The following DENND1A variants were observed in gnomAD, a reference collection of about 807,000 sequenced individuals.
DENND1A encodes DENN domain-containing protein 1A.
Under a neutral mutation model 113.7 loss-of-function variants are expected in DENND1A, and 51 were observed. The ratio of observed to expected loss-of-function variants is 0.45; its 90% CI spans 0.36 to 0.57. The LOEUF is 0.57. Ranked by LOEUF, DENND1A falls within the 20% of genes least tolerant of loss-of-function variation. The pLI, the probability that DENND1A is intolerant of heterozygous loss-of-function variation, is 0.00. For synonymous variants in DENND1A, 565 were observed against 570.8 expected, an observed-to-expected ratio of 0.99 and a Z score of 0.14; for missense variants, 1,258 against 1,395.9, an observed-to-expected ratio of 0.90 and a Z score of 1.57.
chr9:123,895,317 T>C (rs1182799568), intron 1 of DENND1A, among the ~76,000 whole-genome samples: 2 of 151,978 alleles, frequency 1.3e-5, no homozygotes, highest in Non-Finnish European at 2.9e-5. Context: ...TTGATGAGCT[T>C]GCAAGAAAAT....
At chr9:123,746,042 T>C (rs2069474242) in intron 5 of DENND1A, among the ~76,000 whole-genome samples, 2 of 152,202 alleles carry the variant, frequency 1.3e-5, no homozygotes, top group African/African-American at 4.8e-5. Flanking sequence ...AAAATTAATA[T>C]CAGGGTGCTA....
chr9:123,437,587 G>A (rs1047814489), intron 19 of DENND1A: 5 of 152,260 alleles, frequency 3.3e-5, no homozygotes, highest in African/African-American at 1.2e-4. Context: ...GGCTGGTTAA[G>A]ATGATTTTGC....
At chr9:123,711,525 A>ATT (rs1564998547) in intron 5 of DENND1A, among the ~76,000 whole-genome samples, 1 of 144,110 alleles carries the variant, frequency 6.9e-6, no homozygotes, top group Non-Finnish European at 1.5e-5. Context: ...ATATATATAT[A>ATT]TATATATATA....
intron 16 of DENND1A, 72 bp downstream of exon 16, chr9:123,454,667 C>T: frequency 1.4e-6 from 2 of 1,456,772 alleles, no homozygotes; most frequent in Non-Finnish European, 1.9e-6. Flanking sequence ...GAAGGGGAAG[C>T]ACAGGGAAGC....
chr9:123,819,015 C>G (rs1408200036), intron 2 of DENND1A, among the ~76,000 whole-genome samples: 1 of 152,146 alleles, frequency 6.6e-6, no homozygotes. Flanking sequence ...GTTAAAAATA[C>G]AAATTCTTAG....
At chr9:123,887,637 G>A (rs542226281) in intron 1 of DENND1A, among the ~76,000 whole-genome samples, 1 of 151,860 alleles carries the variant, frequency 6.6e-6, no homozygotes, top group East Asian at 2.0e-4. Flanking sequence ...TCCATGTTGG[G>A]TAGGAGGAGG....
intron 1 of DENND1A, among the ~76,000 whole-genome samples, chr9:123,926,015 G>A (rs1857025830): frequency 6.6e-6 from 1 of 152,184 alleles, no homozygotes; most frequent in Non-Finnish European, 1.5e-5. Context: ...ATAGTTTCCT[G>A]CTGTGTGTCT....
At chr9:123,872,288 A>G (rs1265271824) in intron 2 of DENND1A, among the ~76,000 whole-genome samples, 1 of 152,234 alleles carries the variant, frequency 6.6e-6, no homozygotes, top group Non-Finnish European at 1.5e-5. Context: ...TTATACACAA[A>G]GATGTTCACT....
intron 8 of DENND1A, 142 bp from the exon 9 acceptor site, chr9:123,652,265 C>A: frequency 4.5e-6 from 3 of 667,700 alleles, no homozygotes; most frequent in South Asian, 2.1e-5. Flanking sequence ...ACCTGGGAGG[C>A]CAAATCCCCA....
chr9:123,712,376 T>G (rs549131693), intron 5 of DENND1A, among the ~76,000 whole-genome samples: 1 of 152,372 alleles, frequency 6.6e-6, no homozygotes, highest in Non-Finnish European at 1.5e-5. Flanking sequence ...GTCTGGGCTC[T>G]GGAACCAGAT....
At chr9:123,678,156 G>A (rs1291130595) in intron 5 of DENND1A, among the ~76,000 whole-genome samples, 2 of 152,046 alleles carry the variant, frequency 1.3e-5, no homozygotes, top group Admixed American at 1.3e-4. Context: ...AGTCCTCAAT[G>A]GCATGTCTGT....
intron 5 of DENND1A, among the ~76,000 whole-genome samples, chr9:123,746,778 A>C (rs2069546799): frequency 6.6e-6 from 1 of 152,212 alleles, no homozygotes; most frequent in Admixed American, 6.5e-5. Context: ...GAGTACAATG[A>C]AAAGATATTT....
chr9:123,801,643 A>G (rs532254008), intron 2 of DENND1A, among the ~76,000 whole-genome samples: 2 of 152,358 alleles, frequency 1.3e-5, no homozygotes, highest in Admixed American at 1.3e-4. Context: ...TATATCCACA[A>G]GTCAAATTAC....
At chr9:123,753,762 G>C (rs1305240572) in intron 5 of DENND1A, among the ~76,000 whole-genome samples, 2 of 152,190 alleles carry the variant, frequency 1.3e-5, no homozygotes, top group Non-Finnish European at 1.5e-5. Context: ...CCTTCCAATA[G>C]GAGGAAAACA....
chr9:123,782,580 G>C (rs1831492110), intron 3 of DENND1A, among the ~76,000 whole-genome samples: 1 of 152,198 alleles, frequency 6.6e-6, no homozygotes, highest in East Asian at 1.9e-4. Flanking sequence ...CTTCCTGCCT[G>C]GGAAAGGGAG....
At chr9:123,844,904 T>TC (rs1267410861) in intron 2 of DENND1A, among the ~76,000 whole-genome samples, 27 of 152,206 alleles carry the variant, frequency 1.8e-4, no homozygotes, top group African/African-American at 5.1e-4. Context: ...TTTGCAATTG[T>TC]CAATTACAAT....
chr9:123,654,898 G>A (rs1273635383), intron 8 of DENND1A, among the ~76,000 whole-genome samples: 1 of 152,200 alleles, frequency 6.6e-6, no homozygotes, highest in Non-Finnish European at 1.5e-5. Flanking sequence ...GGGGCCCCAG[G>A]AGCAGCTGCA....
intron 21 of DENND1A, chr9:123,401,629 C>G (rs2043470325): frequency 7.0e-7 from 1 of 1,438,734 alleles, no homozygotes; most frequent in South Asian, 1.5e-5. Context: ...CAAATATTTT[C>G]CAACAGAAGT....
At chr9:123,873,521 AGG>A (rs910742610) in intron 2 of DENND1A, among the ~76,000 whole-genome samples, 1 of 152,244 alleles carries the variant, frequency 6.6e-6, no homozygotes, top group African/African-American at 2.4e-5. Context: ...TTTTATCATT[AGG>A]TAATGTTTTA....
Sources: allele counts gnomAD v4.1 joint callset (sites outside exome capture counted in the v4.1 genomes callset), GRCh38; gene constraint gnomAD v4.1.1; transcripts MANE v1.5; gene names NCBI Gene and HGNC (gene_info 2026-07-23, HGNC 2026-07-21).